Variants in CCDC171 observed in about 807,000 individuals in gnomAD.
CCDC171 encodes coiled-coil domain-containing protein 171.
Under a neutral mutation model 168.2 loss-of-function variants are expected in CCDC171, and 177 were observed. The ratio of observed to expected loss-of-function variants is 1.05; its 90% CI spans 0.93 to 1.19. The LOEUF (loss-of-function observed/expected upper bound fraction) is 1.19. Among genes scored for constraint, CCDC171 ranks in the 50% most tolerant of loss-of-function variants. The probability of loss-of-function intolerance (pLI) is 0.00; values close to 1 mark genes in which losing one functional copy is unlikely to be tolerated. For synonymous variants in CCDC171, 687 were observed against 540.8 expected, an observed-to-expected ratio of 1.27 and a Z score of -3.75; for missense variants, 1,991 against 1,539.0, an observed-to-expected ratio of 1.29 and a Z score of -4.91.
At chr9:15,618,971 C>A (rs185033704) in intron 6 of CCDC171, among the ~76,000 whole-genome samples, 4 of 152,200 alleles carry the variant, frequency 2.6e-5, no homozygotes, top group Non-Finnish European at 5.9e-5. Context: ...GGCCCCTCCC[C>A]GCCCTGTCCA....
At chr9:15,785,484 A>G (rs1175532394) in intron 21 of CCDC171, among the ~76,000 whole-genome samples, 2 of 152,136 alleles carry the variant, frequency 1.3e-5, no homozygotes, top group East Asian at 1.9e-4. Context: ...CAATGATAAA[A>G]TAGCCAAAAT....
intron 25 of CCDC171, among the ~76,000 whole-genome samples, chr9:15,925,776 T>G (rs913485528): frequency 1.3e-5 from 2 of 151,634 alleles, no homozygotes; most frequent in Non-Finnish European, 3.0e-5. Context: ...AATGTTAATA[T>G]CCACTGACAT....
chr9:16,086,902 C>G, the CCDC171 span, among the ~76,000 whole-genome samples: 3 of 152,140 alleles, frequency 2.0e-5, no homozygotes, highest in African/African-American at 7.2e-5. Context: ...ACTGCTTTAG[C>G]TGTGTCACAG....
chr9:15,675,196 T>TG (rs2049441539), intron 9 of CCDC171, among the ~76,000 whole-genome samples: 1 of 144,838 alleles, frequency 6.9e-6, no homozygotes, highest in Non-Finnish European at 1.5e-5. Flanking sequence ...TGTTTTTTTT[T>TG]TTTTTTTTTT....
intron 21 of CCDC171, among the ~76,000 whole-genome samples, chr9:15,802,083 T>G (rs2058853088): frequency 6.6e-6 from 1 of 151,934 alleles, no homozygotes; most frequent in Admixed American, 6.6e-5. Flanking sequence ...AGTTTTCTTT[T>G]TTTGATTTGT....
At chr9:15,676,990 G>A (rs2049625138) in intron 9 of CCDC171, among the ~76,000 whole-genome samples, 1 of 152,132 alleles carries the variant, frequency 6.6e-6, no homozygotes, top group Non-Finnish European at 1.5e-5. Flanking sequence ...TGGGCACTCT[G>A]TAGAATCATT....
At chr9:15,569,642 C>T (rs1043899166) in intron 2 of CCDC171, among the ~76,000 whole-genome samples, 3 of 151,654 alleles carry the variant, frequency 2.0e-5, no homozygotes, top group Non-Finnish European at 4.4e-5. Flanking sequence ...GGTGAAACCC[C>T]GTCTCTACTA....
intron 6 of CCDC171, among the ~76,000 whole-genome samples, chr9:15,611,679 C>G (rs2043708186): frequency 6.6e-6 from 1 of 152,126 alleles, no homozygotes; most frequent in East Asian, 1.9e-4. Flanking sequence ...TGATCAACCT[C>G]TAGTTTGTAA....
At chr9:15,823,270 C>G (rs1249084319) in intron 21 of CCDC171, among the ~76,000 whole-genome samples, 3 of 151,812 alleles carry the variant, frequency 2.0e-5, no homozygotes, top group Admixed American at 6.6e-5. Flanking sequence ...CACATGTATA[C>G]GTATGTAACA....
chr9:15,692,743 G>T (rs2050905419), intron 10 of CCDC171, among the ~76,000 whole-genome samples: 1 of 151,636 alleles, frequency 6.6e-6, no homozygotes, highest in Non-Finnish European at 1.5e-5. Flanking sequence ...TAGCCCGTAT[G>T]ATGTGGATCT....
intron 21 of CCDC171, among the ~76,000 whole-genome samples, chr9:15,831,492 T>C (rs1346641188): frequency 6.6e-6 from 1 of 152,226 alleles, no homozygotes; most frequent in African/African-American, 2.4e-5. Flanking sequence ...CTGGTATTTT[T>C]TCTGCATTGT....
chr9:15,684,057 C>G (rs2050217369), intron 10 of CCDC171, among the ~76,000 whole-genome samples: 2 of 151,972 alleles, frequency 1.3e-5, no homozygotes, highest in South Asian at 4.1e-4. Flanking sequence ...GTGATGATAA[C>G]AAAAGCTACT....
At chr9:15,774,881 A>T (rs1487795234) in intron 18 of CCDC171, among the ~76,000 whole-genome samples, 2 of 152,186 alleles carry the variant, frequency 1.3e-5, no homozygotes, top group African/African-American at 4.8e-5. Flanking sequence ...GTATGTTCTC[A>T]CTCATATGTG....
chr9:16,047,341 A>G (rs1275757993), intron 1 of CCDC171, among the ~76,000 whole-genome samples: 1 of 152,112 alleles, frequency 6.6e-6, no homozygotes, highest in African/African-American at 2.4e-5. Flanking sequence ...GAAATCTGGG[A>G]GCGATCCTAA....
chr9:16,018,053 A>T (rs907856675), intron 3 of CCDC171, among the ~76,000 whole-genome samples: 2 of 152,196 alleles, frequency 1.3e-5, no homozygotes, highest in African/African-American at 4.8e-5. Flanking sequence ...GCTGCAAGGG[A>T]GTCCAATAAA....
chr9:15,951,436 A>T (rs1349301802), intron 25 of CCDC171, among the ~76,000 whole-genome samples: 1 of 152,120 alleles, frequency 6.6e-6, no homozygotes, highest in East Asian at 1.9e-4. Flanking sequence ...ACTATTTTAC[A>T]TTTCCACCAA....
At chr9:15,872,089 G>A (rs572544375) in intron 23 of CCDC171, among the ~76,000 whole-genome samples, 2 of 151,582 alleles carry the variant, frequency 1.3e-5, no homozygotes, top group Non-Finnish European at 2.9e-5. Context: ...ATATATCATG[G>A]GTCTCTCACT....
chr9:15,977,633 T>C (rs1831664231), downstream of CCDC171, among the ~76,000 whole-genome samples: 1 of 152,216 alleles, frequency 6.6e-6, no homozygotes, highest in South Asian at 2.1e-4. Flanking sequence ...TTGTCTTTTA[T>C]TGCATGTTAA....
At chr9:15,988,704 C>T (rs904283265) in intron 3 of CCDC171, among the ~76,000 whole-genome samples, 4 of 152,304 alleles carry the variant, frequency 2.6e-5, no homozygotes, top group East Asian at 1.9e-4. Context: ...ACAGACGGCA[C>T]ATGGAAAATC....
Sources: allele counts gnomAD v4.1 joint callset (sites outside exome capture counted in the v4.1 genomes callset), GRCh38; gene constraint gnomAD v4.1.1; transcripts MANE v1.5; gene names NCBI Gene and HGNC (gene_info 2026-07-23, HGNC 2026-07-21).